The following NLGN1 variants were observed in gnomAD, a reference collection of about 807,000 sequenced individuals.
NLGN1 encodes the protein neuroligin 1, also known as neuroligin-1.
Under a neutral mutation model 65.5 loss-of-function variants are expected in NLGN1, and 12 were observed. The ratio of observed to expected loss-of-function variants is 0.18; its 90% CI spans 0.12 to 0.30. The LOEUF (loss-of-function observed/expected upper bound fraction) is 0.30. Among genes scored for constraint, NLGN1 ranks in the 10% least tolerant of loss-of-function variants. The pLI, the probability that NLGN1 is intolerant of heterozygous loss-of-function variation, is 1.00. For missense variants in NLGN1, 750 were observed against 1,007.1 expected, an observed-to-expected ratio of 0.74 and a Z score of 3.46; for synonymous variants, 350 against 359.5, an observed-to-expected ratio of 0.97 and a Z score of 0.30.
intron 3 of NLGN1, among the ~76,000 whole-genome samples, chr3:173,622,279 T>C (rs951031046): frequency 1.3e-5 from 2 of 152,052 alleles, no homozygotes; most frequent in Non-Finnish European, 2.9e-5. Flanking sequence ...TCTAGTGCTG[T>C]GTTTATCTGC....
chr3:173,875,685 A>C (rs146220747), intron 4 of NLGN1, among the ~76,000 whole-genome samples: 1 of 152,308 alleles, frequency 6.6e-6, no homozygotes, highest in Non-Finnish European at 1.5e-5. Context: ...CAGAATCCTC[A>C]TAATGCCCTG....
intron 4 of NLGN1, among the ~76,000 whole-genome samples, chr3:173,840,521 A>G (rs75717862): frequency 0.13 from 19,801 of 152,218 alleles, 1,384 homozygotes; most frequent in Middle Eastern, 0.18. Flanking sequence ...GTGGGTTGAC[A>G]TCTGTAATTT....
intron 4 of NLGN1, among the ~76,000 whole-genome samples, chr3:174,167,111 A>C (rs1277301118): frequency 6.6e-6 from 1 of 152,088 alleles, no homozygotes; most frequent in African/African-American, 2.4e-5. Flanking sequence ...AGACAGAAGA[A>C]AGATGAGTCT....
At position 174,191,191 on chromosome 3, in the gene NLGN1, C is replaced by G. The variant is rs572953874; in HGVS notation, c.647-84124C>G. Among the ~76,000 whole-genome samples, 10 of 152,198 alleles carry G rather than the reference C, an allele frequency of 6.6e-5. No homozygotes were observed. The South Asian group carries it at 1.9e-3, about 28-fold the overall frequency. On this transcript the variant is annotated intron_variant, in intron 4 of 6. Coordinates refer to ENST00000457714, the Ensembl canonical transcript of NLGN1. ...TCCTTCAAAATCCACTTTCAAGATT[C>G]CACAAGTTTATTGCAAGATATTCAT...
At chr3:173,451,471 A>C (rs529335459) in intron 2 of NLGN1, among the ~76,000 whole-genome samples, 1 of 152,064 alleles carries the variant, frequency 6.6e-6, no homozygotes, top group Non-Finnish European at 1.5e-5. Flanking sequence ...TCCGCCCCTA[A>C]TGGGGGGTGC....
intron 4 of NLGN1, among the ~76,000 whole-genome samples, chr3:173,995,284 C>T (rs998380006): frequency 7.9e-5 from 12 of 152,200 alleles, no homozygotes; most frequent in African/African-American, 2.9e-4. Context: ...CTGCTCCCTG[C>T]TTCTCTCTGT....
At chr3:174,223,015 A>G (rs555214318) in intron 4 of NLGN1, among the ~76,000 whole-genome samples, 1 of 152,190 alleles carries the variant, frequency 6.6e-6, no homozygotes, top group South Asian at 2.1e-4. Context: ...TTATTTCCCT[A>G]GATGCTTATA....
chr3:173,568,239 TC>T (rs1744036093), intron 2 of NLGN1, among the ~76,000 whole-genome samples: 1 of 151,758 alleles, frequency 6.6e-6, no homozygotes, highest in Non-Finnish European at 1.5e-5. Flanking sequence ...CTTTTCCTTT[TC>T]CTTTTCCTTT....
chr3:174,250,434 G>C (rs963136708), intron 4 of NLGN1, among the ~76,000 whole-genome samples: 1 of 152,308 alleles, frequency 6.6e-6, no homozygotes, highest in African/African-American at 2.4e-5. Context: ...AGTTAAGGGG[G>C]TTTATTTGTT....
intron 2 of NLGN1, among the ~76,000 whole-genome samples, chr3:173,476,449 T>C (rs1250822280): frequency 1.3e-5 from 2 of 152,176 alleles, no homozygotes; most frequent in African/African-American, 2.4e-5. Context: ...CTCCAAAAAA[T>C]TGTGGCCTTT....
chr3:173,696,965 A>G (rs1249286815), intron 3 of NLGN1, among the ~76,000 whole-genome samples: 2 of 152,090 alleles, frequency 1.3e-5, no homozygotes, highest in Non-Finnish European at 2.9e-5. Context: ...AAAATTTATG[A>G]CTCTTCTGAA....
At chr3:174,070,590 A>G (rs1739609958) in intron 4 of NLGN1, among the ~76,000 whole-genome samples, 2 of 152,022 alleles carry the variant, frequency 1.3e-5, no homozygotes, top group South Asian at 4.1e-4. Flanking sequence ...TCAGCAATCC[A>G]AAGTGTTGGG....
chr3:174,272,001 T>C (rs1214859211), intron 4 of NLGN1, among the ~76,000 whole-genome samples: 1 of 151,770 alleles, frequency 6.6e-6, no homozygotes, highest in Non-Finnish European at 1.5e-5. Flanking sequence ...GTTCGCTTTA[T>C]AGTCATTATT....
chr3:173,872,770 T>C (rs1261720868), intron 4 of NLGN1, among the ~76,000 whole-genome samples: 3 of 152,184 alleles, frequency 2.0e-5, no homozygotes, highest in Non-Finnish European at 2.9e-5. Context: ...AGTTTTGAAG[T>C]GGATTATAAA....
chr3:174,050,384 T>C (rs957725871), intron 4 of NLGN1, among the ~76,000 whole-genome samples: 1 of 152,042 alleles, frequency 6.6e-6, no homozygotes, highest in African/African-American at 2.4e-5. Context: ...ACAGTGAAAT[T>C]TGGACTTTGA....
chr3:173,599,161 A>C (rs1192511065), intron 2 of NLGN1, among the ~76,000 whole-genome samples: 1 of 152,090 alleles, frequency 6.6e-6, no homozygotes, highest in Non-Finnish European at 1.5e-5. Context: ...TCATTTTGTA[A>C]AATTGTGTTC....
rs1740885751 is a variant in NLGN1 at position 173,551,672 on chromosome 3, A to C, written c.-320-52607A>C. ...GAAAACTTTTTATGGAGTAATGTGA[A>C]ATTTCTTTCAAAGGCAGGCAGGGTT... On this transcript the variant is annotated intron_variant, in intron 2 of 6. Transcript: ENST00000457714. 1.3e-5 allele frequency among the ~76,000 whole-genome samples: 2 copies of C among 152,222 alleles called. 1 individual carries two copies. The highest frequency in any genetic ancestry group is 4.1e-4 in the South Asian group (2 of 4,836).
At chr3:173,577,297 C>T (rs1745652074) in intron 2 of NLGN1, among the ~76,000 whole-genome samples, 1 of 152,132 alleles carries the variant, frequency 6.6e-6, no homozygotes, top group South Asian at 2.1e-4. Flanking sequence ...AATGAGTATA[C>T]TTTCTGTTAT....
chr3:173,709,937 TTG>T lies in NLGN1; in HGVS notation c.494-97741_494-97740del, dbSNP rs1768688118. On this transcript the variant is annotated intron_variant, in intron 3 of 6. Coordinates refer to ENST00000457714, the Ensembl canonical transcript of NLGN1. ...ATGCTTTTCAGTACTTTTGTAATAT[TTG>T]TTAAATTAAGGCTATAAAATAGTCT... 7.9e-5 allele frequency among the ~76,000 whole-genome samples: 12 copies of T among 152,216 alleles called. No individual in the cohort carries two copies. In the South Asian group the frequency reaches 2.5e-3, roughly 32 times the overall value.
Sources: allele counts gnomAD v4.1 joint callset (sites outside exome capture counted in the v4.1 genomes callset), GRCh38; gene constraint gnomAD v4.1.1; transcripts MANE v1.5; gene names NCBI Gene and HGNC (gene_info 2026-07-23, HGNC 2026-07-21).